The following ADAMTS9 variants were observed in gnomAD, a reference collection of about 807,000 sequenced individuals.
ADAMTS9 encodes A disintegrin and metalloproteinase with thrombospondin motifs 9.
ADAMTS9 carries 107 observed loss-of-function variants against 257.1 expected under a neutral mutation model. The observed-to-expected ratio is 0.42, with a 90% CI of 0.36 to 0.49. The LOEUF (loss-of-function observed/expected upper bound fraction) is 0.49, where lower values mean the gene tolerates loss of function less well. ADAMTS9 is among the 20% of genes least tolerant of loss of function. ADAMTS9 has a pLI of 0.03. For missense variants in ADAMTS9, 2,353 were observed against 2,469.1 expected (o/e 0.95, Z 1.00); for synonymous variants, 982 against 880.9 (o/e 1.11, Z -2.03).
chr3:64,540,574 G>A (rs1371527963), intron 36 of ADAMTS9, among the ~76,000 whole-genome samples: 1 of 152,132 alleles, frequency 6.6e-6, no homozygotes, highest in Non-Finnish European at 1.5e-5. Context: ...AGCTGGGCTG[G>A]GGGTGGTGAA....
chr3:64,630,608 G>T (rs917341747), intron 16 of ADAMTS9, among the ~76,000 whole-genome samples: 1 of 152,022 alleles, frequency 6.6e-6, no homozygotes, highest in African/African-American at 2.4e-5. Context: ...ACACACAATG[G>T]GGCTTGTGGG....
chr3:64,674,475 A>G (rs1701576280), intron 3 of ADAMTS9, among the ~76,000 whole-genome samples: 1 of 152,200 alleles, frequency 6.6e-6, no homozygotes, highest in African/African-American at 2.4e-5. Flanking sequence ...CATTTGTAGG[A>G]TGAGAATAAT....
At chr3:64,558,636 C>A (rs551214783) in intron 30 of ADAMTS9, among the ~76,000 whole-genome samples, 2 of 152,204 alleles carry the variant, frequency 1.3e-5, no homozygotes, top group South Asian at 4.1e-4. Context: ...TGGATTATTT[C>A]TCAAAAAGAG....
chr3:64,633,955 G>T, intron 12 of ADAMTS9, 76 bp from the exon 13 acceptor site: 1 of 1,329,128 alleles, frequency 7.5e-7, no homozygotes, highest in South Asian at 1.4e-5. Flanking sequence ...CTTCATTCAT[G>T]ACTTCCTGTC....
chr3:64,663,960 T>TG, intron 3 of ADAMTS9, among the ~76,000 whole-genome samples: 1 of 152,152 alleles, frequency 6.6e-6, no homozygotes, highest in East Asian at 1.9e-4. Context: ...CTATATCTTA[T>TG]ATACCCACTC....
intron 23 of ADAMTS9, among the ~76,000 whole-genome samples, chr3:64,604,712 C>T (rs973849597): frequency 3.3e-5 from 5 of 152,196 alleles, no homozygotes; most frequent in Non-Finnish European, 7.3e-5. Flanking sequence ...GATGTTCTCA[C>T]ATTTCAATTA....
intron 28 of ADAMTS9, among the ~76,000 whole-genome samples, chr3:64,575,356 C>T (rs1449308903): frequency 1.3e-5 from 2 of 152,198 alleles, no homozygotes; most frequent in Non-Finnish European, 2.9e-5. Context: ...AAAATGCAGG[C>T]TGAAGAATCT....
intron 12 of ADAMTS9, among the ~76,000 whole-genome samples, chr3:64,641,501 T>C (rs1700640483): frequency 8.3e-6 from 1 of 119,874 alleles, no homozygotes; most frequent in Non-Finnish European, 1.6e-5. Flanking sequence ...CCCCAGAGTG[T>C]GATGTTCCCC....
At chr3:64,552,539 G>C (rs1000527239) in intron 30 of ADAMTS9, among the ~76,000 whole-genome samples, 1 of 150,128 alleles carries the variant, frequency 6.7e-6, no homozygotes, top group Non-Finnish European at 1.5e-5. Flanking sequence ...TGTGATTTTT[G>C]TTGTGTGGTC....
At chr3:64,630,271 C>T (rs987195350) in intron 16 of ADAMTS9, among the ~76,000 whole-genome samples, 1 of 152,148 alleles carries the variant, frequency 6.6e-6, no homozygotes, top group Admixed American at 6.5e-5. Context: ...AAACAAATTA[C>T]AGTGAGACTG....
At chr3:64,596,489 TGAA>T (rs10554019) in intron 27 of ADAMTS9, among the ~76,000 whole-genome samples, 5,189 of 152,242 alleles carry the variant, frequency 0.034, 265 homozygotes, top group African/African-American at 0.12. Flanking sequence ...CCCAAAACTA[TGAA>T]GAAGAGGGCA....
chr3:64,625,282 G>T (rs537237034), intron 16 of ADAMTS9, among the ~76,000 whole-genome samples: 1 of 152,290 alleles, frequency 6.6e-6, no homozygotes, highest in African/African-American at 2.4e-5. Context: ...TGGACAAGAT[G>T]TCTTAGGTAT....
chr3:64,552,296 T>G (rs1356368746), intron 30 of ADAMTS9, among the ~76,000 whole-genome samples: 11 of 152,194 alleles, frequency 7.2e-5, no homozygotes, highest in Admixed American at 7.2e-4. Flanking sequence ...CAGATTCTTA[T>G]TTGTTTTGCT....
intron 36 of ADAMTS9, among the ~76,000 whole-genome samples, 175 bp downstream of exon 36, chr3:64,540,920 G>T (rs888118509): frequency 4.6e-5 from 7 of 152,220 alleles, no homozygotes; most frequent in Non-Finnish European, 1.0e-4. Flanking sequence ...AAAACTGCCT[G>T]CAGGACTATC....
chr3:64,573,058 G>A (rs1213399968), intron 28 of ADAMTS9, among the ~76,000 whole-genome samples: 3 of 144,384 alleles, frequency 2.1e-5, no homozygotes, highest in Non-Finnish European at 1.5e-5. Flanking sequence ...GCCTGGCGAC[G>A]GAGTGAGTGA....
chr3:64,575,342 G>A (rs765677647), intron 28 of ADAMTS9, among the ~76,000 whole-genome samples: 3 of 152,180 alleles, frequency 2.0e-5, no homozygotes, highest in Non-Finnish European at 4.4e-5. Context: ...CAGCAGGGAA[G>A]GAGAAAATGC....
Position 64,593,995 on chromosome 3 carries a change from GTGTGTGTA to G in ADAMTS9, c.4356+255_4356+262del, listed in dbSNP as rs1156413601. Reference sequence around the variant, plus strand: ...TGTGTGTGTGTGTGTGTGTGTGTGTGTGTGTGTATTTAGGCTAAGAAAAGGCAGCTACT... The same window carrying G: ...TGTGTGTGTGTGTGTGTGTGTGTGTGTTTAGGCTAAGAAAAGGCAGCTACT... On this transcript the variant is annotated intron_variant, in intron 28 of 39. Coordinates refer to ENST00000498707, the MANE Select transcript of ADAMTS9 (RefSeq NM_182920.2). Among the ~76,000 whole-genome samples the G allele has an allele frequency of 2.0e-3, 301 of 149,590 alleles. 1 individual carries two copies. The highest frequency in any genetic ancestry group is 7.2e-3 in the African/African-American group (289 of 40,034).
In ADAMTS9 at chr3:64,594,347, C is replaced by T; in HGVS notation, c.4267G>A (p.Glu1423Lys). 2 of 1,613,388 alleles carry T rather than the reference C, an allele frequency of 1.2e-6. No individual in the cohort carries two copies. Among genetic ancestry groups the T allele is most frequent in the Non-Finnish European group, 1.7e-6 (2 of 1,179,750 alleles). ...NGERFPDLSC[E>K]ILDKPPDREQ... ...CGATCGGGAGGTTTATCAAGAATTTCACAGCTCAAATCTGGAAACCGTTCA... is the reference window on the plus strand; with the variant it reads ...CGATCGGGAGGTTTATCAAGAATTTTACAGCTCAAATCTGGAAACCGTTCA... The change falls in exon 28 of 40, where the codon GAA (glutamate) becomes AAA (lysine). Residue 1423 changes from glutamate (E) to lysine (K), a missense_variant. Glu to Lys is a moderately conservative substitution (Grantham distance 56, BLOSUM62 1). Around this residue, in one of 3 missense-constraint regions of ADAMTS9, gnomAD observed 1,402 missense variants for 1,441.4 expected, o/e 0.97. Transcript: ENST00000498707.
At chr3:64,639,854 C>T (rs756502405) in intron 12 of ADAMTS9, among the ~76,000 whole-genome samples, 1 of 152,034 alleles carries the variant, frequency 6.6e-6, no homozygotes, top group Non-Finnish European at 1.5e-5. Context: ...TTATATGATA[C>T]TTATTTTATA....
Sources: allele counts gnomAD v4.1 joint callset (sites outside exome capture counted in the v4.1 genomes callset), GRCh38; gene constraint gnomAD v4.1.1; regional missense constraint gnomAD v4.1.1; transcripts MANE v1.5; gene names NCBI Gene and HGNC (gene_info 2026-07-23, HGNC 2026-07-21).